RPS6KB2: variants seen among roughly 807,000 people sequenced by gnomAD.
The protein encoded by RPS6KB2 is ribosomal protein S6 kinase beta-2.
Under a neutral mutation model 58.2 loss-of-function variants are expected in RPS6KB2, and 51 were observed. The ratio of observed to expected loss-of-function variants is 0.88; its 90% confidence interval spans 0.70 to 1.11. The LOEUF (loss-of-function observed/expected upper bound fraction) is 1.11, where lower values mean the gene tolerates loss of function less well. RPS6KB2 is among the 50% of genes least tolerant of loss of function. The probability of loss-of-function intolerance (pLI) is 0.00; values close to 1 mark genes in which losing one functional copy is unlikely to be tolerated. For missense variants in RPS6KB2, 671 were observed against 655.8 expected, an observed-to-expected ratio of 1.02 and a Z score of -0.25; for synonymous variants, 293 against 258.6, an observed-to-expected ratio of 1.13 and a Z score of -1.28.
rs563835066 is a variant in RPS6KB2, at chr11:67,434,888, G to A, written c.1269-101G>A. 2,952 of 1,230,784 alleles carry A rather than the reference G, an allele frequency of 2.4e-3. 1 individual carries two copies. The highest frequency in any genetic ancestry group is 3.0e-3 in the Non-Finnish European group (2,572 of 857,142). 76.2% of individuals were successfully genotyped at this position (1,230,784 alleles called of 1,614,324 possible). A position where few individuals can be genotyped will look rare whatever the true frequency, so the allele number is the denominator to read the frequency against. On this transcript the variant is annotated intron_variant, in intron 14 of 14. Transcript: ENST00000312629. The stretch of plus-strand genomic sequence containing the variant: ...TGGGAGTTTGTGGAGCCCGCGGCCT[G>A]TGTGCCTGGGCAGGTGGGAAAGGCT...
chr11:67,434,922 T>C, intron 14 of RPS6KB2, 67 bp from the exon 15 acceptor site: 3 of 1,472,978 alleles, frequency 2.0e-6, no homozygotes, highest in Non-Finnish European at 9.4e-7. Context: ...CTGCCTTCCC[T>C]GACTGAGTGC....
rs770559647 is a variant in RPS6KB2, at chr11:67,428,921, G to C, written c.79-61G>C. 2.6e-5 allele frequency: 42 copies of C among 1,602,830 alleles called. 1 individual carries two copies. The highest frequency in any genetic ancestry group is 3.6e-5 in the Non-Finnish European group (42 of 1,169,932). On this transcript the variant is annotated intron_variant, in intron 1 of 14. Transcript: ENST00000312629. ...TCTCCTGGGCCACGCAGTCCAACCT[G>C]AACGGGAGCGGGGAGGTATCCTGGC...
chr11:67,434,650 G>T lies in RPS6KB2; in HGVS notation c.1224G>T (p.Leu408=), dbSNP rs747764396. The T allele has an allele frequency of 2.5e-6, 4 of 1,610,636 alleles. No individual in the cohort carries two copies. The highest frequency in any genetic ancestry group is 3.4e-6 in the Non-Finnish European group (4 of 1,179,346). The change falls in exon 14 of 15, where the codon CTG becomes CTT. Residue 408 remains leucine (L), a synonymous_variant. Transcript: ENST00000312629. ...AGGGCTTCTCCTTCCAGCCCAAGCTGCGCTCACCCAGGCGCCTCAACAGTA... is the reference window on the plus strand; with the variant it reads ...AGGGCTTCTCCTTCCAGCCCAAGCTTCGCTCACCCAGGCGCCTCAACAGTA... The part of the protein sequence containing the change: ...IKEGFSFQPK[L]RSPRRLNSSP...
At chr11:67,429,728 T>A in intron 4 of RPS6KB2, 133 bp downstream of exon 4, 1 of 713,626 alleles carries the variant, frequency 1.4e-6, no homozygotes. Context: ...TTATTGTCTG[T>A]TGTGATGTGT....
intron 1 of RPS6KB2, 104 bp downstream of exon 1, chr11:67,428,727 G>A: frequency 8.9e-7 from 1 of 1,126,794 alleles, no homozygotes; most frequent in East Asian, 2.6e-5. Flanking sequence ...CCGACTCTTT[G>A]CAGACCCAGA....
intron 5 of RPS6KB2, 67 bp from the exon 6 acceptor site, chr11:67,432,533 A>G: frequency 1.3e-6 from 2 of 1,552,412 alleles, no homozygotes; most frequent in Non-Finnish European, 1.8e-6. Flanking sequence ...CCAAGAAGAA[A>G]TAAAGACTCA....
rs749661050 is a variant in RPS6KB2, at chr11:67,428,537, G to A, written c.-9G>A. 6.2e-7 allele frequency: 1 copy of A among 1,603,186 alleles called. No homozygotes were observed. Among genetic ancestry groups the A allele is most frequent in the Non-Finnish European group, 8.5e-7 (1 of 1,174,940 alleles). On this transcript the variant is annotated 5_prime_UTR_variant, in exon 1 of 15. Transcript: ENST00000312629. ...TACGGGCCGACGGGCCCGCGGGGCC[G>A]GCGCCGCCATGGCGGCCGTGTTTGA...
chr11:67,434,558 C>T (rs1313544627), intron 13 of RPS6KB2, 24 bp from the exon 14 acceptor site: 1 of 1,593,890 alleles, frequency 6.3e-7, no homozygotes, highest in Admixed American at 1.7e-5. Context: ...CTGAGTGTCG[C>T]ATGGCCCTGC....
intron 10 of RPS6KB2, among the ~76,000 whole-genome samples, 187 bp from the exon 11 acceptor site, chr11:67,433,808 A>G (rs1351518797): frequency 6.6e-6 from 1 of 152,248 alleles, no homozygotes; most frequent in African/African-American, 2.4e-5. Flanking sequence ...GAGCCTCTGC[A>G]AAGCCTTTGT....
chr11:67,432,453 C>CTGAAT (rs1284145795), intron 5 of RPS6KB2, 147 bp from the exon 6 acceptor site: 6 of 843,298 alleles, frequency 7.1e-6, no homozygotes, highest in Admixed American at 5.9e-5. Context: ...TAGATGTTTG[C>CTGAAT]TGAATTGAAT....
Position 67,433,115 on chromosome 11 carries a change from C to G in RPS6KB2, c.708-11C>G, listed in dbSNP as rs1391798589. The G allele has an allele frequency of 6.2e-7, 1 of 1,606,868 alleles. No individual in the cohort carries two copies. Among genetic ancestry groups the G allele is most frequent in the Admixed American group, 1.7e-5 (1 of 58,872 alleles). ...GGCACGGCCTGACTGACAGTTCCAC[C>G]TGGACCCCAGGGCCCCTGAGATTCT... On this transcript the variant is annotated splice_polypyrimidine_tract_variant and intron_variant, in intron 8 of 14. Coordinates refer to ENST00000312629, the MANE Select transcript of RPS6KB2 (RefSeq NM_003952.3).
chr11:67,435,054 T>C lies in RPS6KB2; in HGVS notation c.1334T>C (p.Leu445Pro). The C allele has an allele frequency of 6.2e-7, 1 of 1,612,644 alleles. No homozygotes were observed. Among genetic ancestry groups the C allele is most frequent in the Non-Finnish European group, 8.5e-7 (1 of 1,179,612 alleles). ...PSPSLPEPTE[L>P]PLPPLLPPPP... is the part of the protein sequence containing the mutation. ...CCCAGCCTGCCGGAGCCCACGGAGCTACCTCTACCTCCACTCCTGCCACCG... is the reference window on the plus strand; with the variant it reads ...CCCAGCCTGCCGGAGCCCACGGAGCCACCTCTACCTCCACTCCTGCCACCG... Residue 445 changes from leucine to proline, a missense_variant, in exon 15 of 15, where the codon CTA becomes CCA. By Grantham distance (98) the Leu-to-Pro change is moderately conservative. Transcript: ENST00000312629.
At chr11:67,431,554 G>A (rs756440173) in intron 5 of RPS6KB2, 39 bp downstream of exon 5, 119 of 1,591,760 alleles carry the variant, frequency 7.5e-5, no homozygotes, top group Non-Finnish European at 9.5e-5. Flanking sequence ...TGGGGGTCGC[G>A]GGGGGGCAGC....
At position 67,435,180 on chromosome 11, in the gene RPS6KB2, G is replaced by T. The variant is rs1477437052; in HGVS notation, c.*11G>T. ...CGTCCAGGGCGCTAGGAAGCCGGGTGGGGGTGAGGGTAGCCCTTGAGCCCT... is the reference window on the plus strand; with the variant it reads ...CGTCCAGGGCGCTAGGAAGCCGGGTTGGGGTGAGGGTAGCCCTTGAGCCCT... On this transcript the variant is annotated 3_prime_UTR_variant, in exon 15 of 15. Transcript: ENST00000312629. 13 of 1,550,842 alleles carry T rather than the reference G, an allele frequency of 8.4e-6. No individual in the cohort carries two copies. The highest frequency in any genetic ancestry group is 8.7e-6 in the Non-Finnish European group (10 of 1,153,010).
intron 9 of RPS6KB2, 42 bp downstream of exon 9, chr11:67,433,258 G>A: frequency 6.2e-7 from 1 of 1,605,682 alleles, no homozygotes. Flanking sequence ...AGGGGCAGAG[G>A]TGGGAGTAGC....
chr11:67,428,978 A>T lies in RPS6KB2; in HGVS notation c.79-4A>T, dbSNP rs1378944792. The T allele has an allele frequency of 6.2e-7, 1 of 1,613,338 alleles. No individual in the cohort carries two copies. The highest frequency in any genetic ancestry group is 1.3e-5 in the African/African-American group (1 of 74,718). ...CTTGGCTCTTACCCCTCGGTTTCTC[A>T]CAGGACGCATGTCCCCTTGCCGAGT... On this transcript the variant is annotated splice_region_variant and splice_polypyrimidine_tract_variant and intron_variant, in intron 1 of 14. Coordinates refer to ENST00000312629, the MANE Select transcript of RPS6KB2 (RefSeq NM_003952.3).
chr11:67,428,897 C>A, intron 1 of RPS6KB2, 85 bp from the exon 2 acceptor site: 1 of 1,522,040 alleles, frequency 6.6e-7, no homozygotes, highest in Non-Finnish European at 9.1e-7. Flanking sequence ...ACACCCTTCT[C>A]TCCTGGGCCA....
intron 5 of RPS6KB2, 77 bp downstream of exon 5, chr11:67,431,592 A>G: frequency 6.8e-7 from 1 of 1,473,990 alleles, no homozygotes; most frequent in Admixed American, 1.8e-5. Context: ...TCTGGGGGGA[A>G]GCTCTTGAGA....
Position 67,432,722 on chromosome 11 carries a change from G to C in RPS6KB2, c.516-15G>C. Reference sequence around the variant, plus strand: ...CCTGCTCTACTCCCGCCTTCACCCTGTCTTGTTTCTGCAGCTTCTACCTGG... The same window carrying C: ...CCTGCTCTACTCCCGCCTTCACCCTCTCTTGTTTCTGCAGCTTCTACCTGG... On this transcript the variant is annotated splice_polypyrimidine_tract_variant and intron_variant, in intron 6 of 14. Transcript: ENST00000312629. 2 of 1,614,078 alleles carry C rather than the reference G, an allele frequency of 1.2e-6. No homozygotes were observed. Among genetic ancestry groups the C allele is most frequent in the Non-Finnish European group, 1.7e-6 (2 of 1,179,944 alleles).
Sources: allele counts gnomAD v4.1 joint callset (sites outside exome capture counted in the v4.1 genomes callset), GRCh38; gene constraint gnomAD v4.1.1; transcripts MANE v1.5; gene names NCBI Gene and HGNC (gene_info 2026-07-23, HGNC 2026-07-21).